Variants in CREB3L2 observed in about 807,000 individuals in gnomAD.
CREB3L2 encodes the protein cAMP responsive element binding protein 3 like 2.
A neutral mutation model predicts 57.2 loss-of-function variants in CREB3L2; 23 were observed. The ratio of observed to expected loss-of-function variants is 0.40; its 90% CI spans 0.29 to 0.57. The LOEUF (loss-of-function observed/expected upper bound fraction) is 0.57. Among genes scored for constraint, CREB3L2 ranks in the 20% least tolerant of loss-of-function variants. The pLI, the probability that CREB3L2 is intolerant of heterozygous loss-of-function variation, is 0.42. For missense variants in CREB3L2, 628 were observed against 634.7 expected (o/e 0.99, Z 0.11); for synonymous variants, 268 against 265.1 (o/e 1.01, Z -0.11).
chr7:137,927,278 G>GAAGGA (rs35701640), intron 2 of CREB3L2, among the ~76,000 whole-genome samples: 1 of 136,530 alleles, frequency 7.3e-6, no homozygotes, highest in South Asian at 2.4e-4. Flanking sequence ...GAAAGGAAAG[G>GAAGGA]AGGAAGGAAG....
intron 8 of CREB3L2, among the ~76,000 whole-genome samples, chr7:137,894,043 GTCT>G (rs1799572327): frequency 1.3e-5 from 2 of 152,208 alleles, no homozygotes; most frequent in South Asian, 4.1e-4. Flanking sequence ...AGTCTCTTGG[GTCT>G]TCTTGTGTTC....
intron 1 of CREB3L2, among the ~76,000 whole-genome samples, chr7:137,952,661 C>T (rs1179593469): frequency 2.0e-5 from 3 of 152,328 alleles, no homozygotes; most frequent in South Asian, 2.1e-4. Context: ...AACTCTACCA[C>T]ACCTAGAAGG....
At chr7:137,897,981 G>A (rs188090399) in intron 8 of CREB3L2, among the ~76,000 whole-genome samples, 62 of 152,210 alleles carry the variant, frequency 4.1e-4, no homozygotes, top group Admixed American at 7.2e-4. Flanking sequence ...GGCAGCCCAC[G>A]GATTGGGAGA....
intron 1 of CREB3L2, among the ~76,000 whole-genome samples, chr7:137,969,232 A>G (rs1487172329): frequency 2.6e-5 from 4 of 152,194 alleles, no homozygotes; most frequent in Non-Finnish European, 5.9e-5. Context: ...GATCAGAAAA[A>G]GAGGTGGCTA....
chr7:137,982,748 G>A (rs1175399854), intron 1 of CREB3L2, among the ~76,000 whole-genome samples: 3 of 152,084 alleles, frequency 2.0e-5, no homozygotes, highest in Non-Finnish European at 4.4e-5. Context: ...GCATGAGAAC[G>A]GACTAATACA....
At chr7:137,942,149 G>A (rs1800891253) in intron 1 of CREB3L2, among the ~76,000 whole-genome samples, 2 of 152,130 alleles carry the variant, frequency 1.3e-5, no homozygotes. Flanking sequence ...CTTCTTTAGT[G>A]TCCTTTCATC....
At chr7:137,945,148 G>A (rs1183899496) in intron 1 of CREB3L2, among the ~76,000 whole-genome samples, 1 of 152,174 alleles carries the variant, frequency 6.6e-6, no homozygotes, top group African/African-American at 2.4e-5. Flanking sequence ...GCCCGCCTTG[G>A]CTTCCCAAAG....
At chr7:137,993,153 C>A (rs1441468527) in intron 1 of CREB3L2, among the ~76,000 whole-genome samples, 1 of 152,192 alleles carries the variant, frequency 6.6e-6, no homozygotes, top group East Asian at 1.9e-4. Context: ...AAGGTTGGGA[C>A]ACCTTGTTCT....
Position 137,915,942 on chromosome 7 carries a change from A to T in CREB3L2, c.390T>A (p.Val130=). 6.2e-7 allele frequency: 1 copy of T among 1,614,102 alleles called. No homozygotes were observed. Among genetic ancestry groups the T allele is most frequent in the Non-Finnish European group, 8.5e-7 (1 of 1,179,966 alleles). The change falls in exon 3 of 12, where the codon GTT becomes GTA. Residue 130 remains valine (V), a synonymous_variant. Coordinates refer to ENST00000330387, the MANE Select transcript of CREB3L2 (RefSeq NM_194071.4). Reference sequence around the variant, plus strand: ...CGAGTCCTGGGGGTGGTTCGTCTGTAACTGGCTCTGTCTTGATGGATGTTG... The same window carrying T: ...CGAGTCCTGGGGGTGGTTCGTCTGTTACTGGCTCTGTCTTGATGGATGTTG... ...FPSTSIKTEP[V]TDEPPPGLVP...
At chr7:137,906,118 T>C (rs273966) in intron 5 of CREB3L2, among the ~76,000 whole-genome samples, 106,539 of 152,084 alleles carry the variant, frequency 0.7, 38,977 homozygotes, top group African/African-American at 0.92. Context: ...GGAAGCACCC[T>C]ACTCGCTAAA....
Position 137,875,153 on chromosome 7 carries a change from A to G in CREB3L2, c.*5323T>C. ...AAAGTCATTTAAAAAACGCGATAGG[A>G]CAGATAACAGACTCACAACGTATTT... On this transcript the variant is annotated 3_prime_UTR_variant, in exon 12 of 12. Transcript: ENST00000330387. 1 of 206,086 alleles carries G rather than the reference A, an allele frequency of 4.9e-6. No individual in the cohort carries two copies. The highest frequency in any genetic ancestry group is 9.9e-6 in the Non-Finnish European group (1 of 100,964). 12.8% of individuals were successfully genotyped at this position (206,086 alleles called of 1,614,324 possible).
intron 1 of CREB3L2, among the ~76,000 whole-genome samples, chr7:137,982,910 G>A (rs949733573): frequency 6.6e-6 from 1 of 152,166 alleles, no homozygotes; most frequent in African/African-American, 2.4e-5. Context: ...GAAAGAAGAT[G>A]CTGTCTCTAC....
Position 137,932,940 on chromosome 7 carries a change from C to A in CREB3L2, c.103-4574G>T, listed in dbSNP as rs553280404. ...AAGCCGTCGCTTCTGACTCACAGGTCTAAGCAGGCCCGAGATTCTGCATTT... is the reference window on the plus strand; with the variant it reads ...AAGCCGTCGCTTCTGACTCACAGGTATAAGCAGGCCCGAGATTCTGCATTT... On this transcript the variant is annotated intron_variant, in intron 1 of 11. Coordinates refer to ENST00000330387, the MANE Select transcript of CREB3L2 (RefSeq NM_194071.4). Among the ~76,000 whole-genome samples, 18 of 152,336 alleles carry A rather than the reference C, an allele frequency of 1.2e-4. No individual in the cohort carries two copies. In the South Asian group the frequency reaches 3.7e-3, roughly 32 times the overall value.
At chr7:137,958,912 T>C (rs534666989) in intron 1 of CREB3L2, among the ~76,000 whole-genome samples, 14 of 152,270 alleles carry the variant, frequency 9.2e-5, no homozygotes, top group African/African-American at 2.9e-4. Context: ...ACTTGAGATC[T>C]GTCTGCAACA....
In CREB3L2 at chr7:137,877,836, C is replaced by G. The variant is rs964799077; in HGVS notation, c.*2640G>C. 67 of 228,628 alleles carry G rather than the reference C, an allele frequency of 2.9e-4. No individual in the cohort carries two copies. The highest frequency in any genetic ancestry group is 1.2e-3 in the African/African-American group (55 of 45,202). 14.2% of individuals were successfully genotyped at this position (228,628 alleles called of 1,614,324 possible). A position where few individuals can be genotyped will look rare whatever the true frequency, so the allele number is the denominator to read the frequency against. The stretch of plus-strand genomic sequence containing the variant: ...TGATATTCTGGTCTTAATCCCTGAA[C>G]AGAAAATGTGCACACATCCATTAAC... On this transcript the variant is annotated 3_prime_UTR_variant, in exon 12 of 12. Transcript: ENST00000330387.
rs1585669933 is a variant in CREB3L2, at chr7:137,973,959, C to G, written c.102+27645G>C. Among the ~76,000 whole-genome samples, 4 of 151,992 alleles carry G rather than the reference C, an allele frequency of 2.6e-5. No homozygotes were observed. In the South Asian group the frequency reaches 8.3e-4, roughly 32 times the overall value. On this transcript the variant is annotated intron_variant, in intron 1 of 11. Transcript: ENST00000330387. The stretch of plus-strand genomic sequence containing the variant: ...TCTGCTGAAGTGAATCTGGAACGAG[C>G]CAAGACCGAGAAATGATGGCACAGG...
In CREB3L2 at chr7:137,880,236, A is replaced by T. The variant is rs1162282541; in HGVS notation, c.*240T>A. 9.3e-6 allele frequency: 5 copies of T among 539,254 alleles called. No homozygotes were observed. The highest frequency in any genetic ancestry group is 1.7e-5 in the Non-Finnish European group (5 of 297,440). The allele number at this position is 539,254 out of a possible 1,614,324, so 33.4% of individuals were successfully genotyped here. ...CCTCCAACCCCTAAAATAATTTCCT[A>T]TGGCAGTAAGAGAAAGGAAGGGAGG... is the stretch of plus-strand genomic sequence containing the variant. On this transcript the variant is annotated 3_prime_UTR_variant, in exon 12 of 12. Coordinates refer to ENST00000330387, the MANE Select transcript of CREB3L2 (RefSeq NM_194071.4). This position sits in a 1 kb window ranked among gnomAD's most constrained non-coding sequence, Gnocchi z 4.0.
At chr7:137,986,799 G>A (rs573413504) in intron 1 of CREB3L2, among the ~76,000 whole-genome samples, 103 of 152,320 alleles carry the variant, frequency 6.8e-4, no homozygotes, top group Non-Finnish European at 1.2e-3. Context: ...ACTGGATTTC[G>A]ACGTGCCTCA....
chr7:137,955,326 A>T, intron 1 of CREB3L2: 1 of 1,289,120 alleles, frequency 7.8e-7, no homozygotes, highest in Non-Finnish European at 1.0e-6. Flanking sequence ...AGCTGGTCGC[A>T]TCCTGGTTTG....
Sources: gnomAD v4.1 joint callset for allele counts (sites outside exome capture counted in the v4.1 genomes callset) on GRCh38, gnomAD v4.1.1 for gene constraint, Gnocchi (gnomAD v3.1) non-coding constraint, MANE v1.5 for transcripts, NCBI Gene and HGNC (gene_info 2026-07-23, HGNC 2026-07-21) for gene names.